KCNQ1: variants seen among roughly 807,000 people sequenced by gnomAD.
The protein encoded by KCNQ1 is potassium voltage-gated channel subfamily Q member 1, also known as potassium voltage-gated channel subfamily KQT member 1.
In KCNQ1, 49 loss-of-function variants were observed where a neutral mutation model predicts 72.4. The ratio of observed to expected loss-of-function variants is 0.68; its 90% CI spans 0.54 to 0.86. KCNQ1 has a LOEUF of 0.86. KCNQ1 is among the 40% of genes least tolerant of loss of function. KCNQ1 has a pLI of 0.00. For synonymous variants in KCNQ1, 450 were observed against 412.6 expected, an observed-to-expected ratio of 1.09 and a Z score of -1.10; for missense variants, 790 against 945.1, an observed-to-expected ratio of 0.84 and a Z score of 2.15.
chr11:2,702,588 C>A (rs1034653418), intron 11 of KCNQ1, among the ~76,000 whole-genome samples: 1 of 152,166 alleles, frequency 6.6e-6, no homozygotes, highest in African/African-American at 2.4e-5. Context: ...ACATATCTTA[C>A]AAGTAGTTGA....
In KCNQ1 at chr11:2,767,104, G is replaced by C. The variant is rs1846512621; in HGVS notation, c.1515-1740G>C. Reference sequence around the variant, plus strand: ...AATCACTTGAACCCGGGAGGCGGAGGCTGCAGTGAGCCGAGGTTGTGCCAC... The same window carrying C: ...AATCACTTGAACCCGGGAGGCGGAGCCTGCAGTGAGCCGAGGTTGTGCCAC... On this transcript the variant is annotated intron_variant, in intron 11 of 15. Coordinates refer to ENST00000155840, the MANE Select transcript of KCNQ1 (RefSeq NM_000218.3). The surrounding 1 kb of genome is among the most constrained non-coding windows in gnomAD (Gnocchi z 4.6). 1.3e-5 allele frequency among the ~76,000 whole-genome samples: 2 copies of C among 152,208 alleles called. No individual in the cohort carries two copies. Among genetic ancestry groups the C allele is most frequent in the African/African-American group, 4.8e-5 (2 of 41,440 alleles).
At chr11:2,843,572 G>C (rs1009212697) in intron 15 of KCNQ1, among the ~76,000 whole-genome samples, 1 of 152,260 alleles carries the variant, frequency 6.6e-6, no homozygotes, top group South Asian at 2.1e-4. Flanking sequence ...GGGTGTGCCC[G>C]GCCTCTCCCG....
chr11:2,768,860 C>T lies in KCNQ1; in HGVS notation c.1531C>T (p.Arg511Trp), dbSNP rs199472785. Residue 511 changes from arginine (R) to tryptophan (W), a missense_variant, in exon 12 of 16, where the codon CGG becomes TGG. Around this residue, in one of 5 missense-constraint regions of KCNQ1, gnomAD observed 178 missense variants for 177.9 expected, o/e 1.00. Coordinates refer to ENST00000155840, the MANE Select transcript of KCNQ1 (RefSeq NM_000218.3). The surrounding 1 kb of genome is among the most constrained non-coding windows in gnomAD (Gnocchi z 6.7). ...THISQLREHH[R>W]ATIKVIRRMQ... ...CCACTGCAGGCTGCGGGAACACCAT[C>T]GGGCCACCATTAAGGTCATTCGACG... 5 of 1,614,002 alleles carry T rather than the reference C, an allele frequency of 3.1e-6. No homozygotes were observed. Among genetic ancestry groups the T allele is most frequent in the East Asian group, 2.2e-5 (1 of 44,848 alleles).
In KCNQ1 at chr11:2,725,841, G is replaced by A. The variant is rs946090705; in HGVS notation, c.1515-43003G>A. Among the ~76,000 whole-genome samples, 1 of 151,104 alleles carries A rather than the reference G, an allele frequency of 6.6e-6. No individual in the cohort carries two copies. The highest frequency in any genetic ancestry group is 1.9e-4 in the East Asian group (1 of 5,158). ...TGGTTAATCATCCTGGGCTCTGAGAGCTCCCTGGGGCCCCACAGGCCAAGC... is the reference window on the plus strand; with the variant it reads ...TGGTTAATCATCCTGGGCTCTGAGAACTCCCTGGGGCCCCACAGGCCAAGC... On this transcript the variant is annotated intron_variant, in intron 11 of 15. Coordinates refer to ENST00000155840, the MANE Select transcript of KCNQ1 (RefSeq NM_000218.3). The surrounding 1 kb of genome is among the most constrained non-coding windows in gnomAD (Gnocchi z 7.2).
chr11:2,574,236 G>A (rs1848384962), intron 6 of KCNQ1, among the ~76,000 whole-genome samples: 1 of 152,180 alleles, frequency 6.6e-6, no homozygotes, highest in Admixed American at 6.5e-5. Context: ...CTTGGGGAGT[G>A]GCCCTGGGTG....
At chr11:2,456,969 A>AC (rs1203416052) in intron 1 of KCNQ1, among the ~76,000 whole-genome samples, 3 of 149,180 alleles carry the variant, frequency 2.0e-5, no homozygotes, top group African/African-American at 7.4e-5. Context: ...AAAAAAACCC[A>AC]AAAAAACAAA....
chr11:2,635,606 C>T (rs1299011698), intron 10 of KCNQ1: 1 of 152,188 alleles, frequency 6.6e-6, no homozygotes, highest in Non-Finnish European at 1.5e-5. Context: ...AGTTTGAAGT[C>T]AGGTAGCGTG....
At chr11:2,555,887 G>C (rs1234294880) in intron 2 of KCNQ1, among the ~76,000 whole-genome samples, 1 of 152,132 alleles carries the variant, frequency 6.6e-6, no homozygotes, top group Non-Finnish European at 1.5e-5. Context: ...GGCCCACAGG[G>C]ACCCCGCCTG....
In KCNQ1 at chr11:2,735,128, C is replaced by A. The variant is rs1215553529; in HGVS notation, c.1515-33716C>A. On this transcript the variant is annotated intron_variant, in intron 11 of 15. Coordinates refer to ENST00000155840, the MANE Select transcript of KCNQ1 (RefSeq NM_000218.3). The surrounding 1 kb of genome is among the most constrained non-coding windows in gnomAD (Gnocchi z 7.7). ...GCTTACATTGAACTCCCCCATAAAA[C>A]GTGTGAAACCTGACAGCAGCGCCGC... is the stretch of plus-strand genomic sequence containing the variant. 1.3e-5 allele frequency among the ~76,000 whole-genome samples: 2 copies of A among 152,142 alleles called. No homozygotes were observed. The highest frequency in any genetic ancestry group is 2.4e-5 in the African/African-American group (1 of 41,422).
In KCNQ1 at chr11:2,447,216, C is replaced by T. The variant is rs369265746; in HGVS notation, c.386+1732C>T. Among the ~76,000 whole-genome samples, 3 of 152,236 alleles carry T rather than the reference C, an allele frequency of 2.0e-5. No individual in the cohort carries two copies. Among genetic ancestry groups the T allele is most frequent in the Non-Finnish European group, 4.4e-5 (3 of 68,018 alleles). ...TTCCTCATTTGGATTGTTTAGGTCT[C>T]GGAAGTTTGCTCAGCAAGAGTCTAC... On this transcript the variant is annotated intron_variant, in intron 1 of 15. Transcript: ENST00000155840. The surrounding 1 kb of genome is among the most constrained non-coding windows in gnomAD (Gnocchi z 7.6).
intron 1 of KCNQ1, among the ~76,000 whole-genome samples, chr11:2,518,210 C>T (rs1847319830): frequency 6.6e-6 from 1 of 152,234 alleles, no homozygotes; most frequent in Non-Finnish European, 1.5e-5. Flanking sequence ...GCAGTGGTGG[C>T]AGTGGCTGCC....
intron 11 of KCNQ1, among the ~76,000 whole-genome samples, chr11:2,722,312 C>G (rs1023793317): frequency 6.6e-6 from 1 of 151,940 alleles, no homozygotes; most frequent in African/African-American, 2.4e-5. Context: ...GGGCGGGCCT[C>G]GGGTGCATGC....
At chr11:2,513,383 C>T (rs1223436247) in intron 1 of KCNQ1, among the ~76,000 whole-genome samples, 2 of 152,152 alleles carry the variant, frequency 1.3e-5, no homozygotes, top group South Asian at 2.1e-4. Context: ...CAGCTGTTTG[C>T]CCTGTGGATC....
intron 15 of KCNQ1, among the ~76,000 whole-genome samples, chr11:2,839,526 G>GCACA (rs932769674): frequency 8.7e-5 from 13 of 149,580 alleles, no homozygotes; most frequent in Non-Finnish European, 1.6e-4. Flanking sequence ...AGCAGACACG[G>GCACA]CACACATAGA....
Position 2,664,376 on chromosome 11 carries a change from G to A in KCNQ1, c.1514+2295G>A. 2.5e-6 allele frequency: 1 copy of A among 398,896 alleles called. No individual in the cohort carries two copies. Among genetic ancestry groups the A allele is most frequent in the Non-Finnish European group, 4.4e-6 (1 of 226,260 alleles). The allele number at this position is 398,896 out of a possible 1,614,324, so 24.7% of individuals were successfully genotyped here. On this transcript the variant is annotated intron_variant, in intron 11 of 15. Coordinates refer to ENST00000155840, the MANE Select transcript of KCNQ1 (RefSeq NM_000218.3). The surrounding 1 kb of genome is among the most constrained non-coding windows in gnomAD (Gnocchi z 5.1). ...CTGCATCCTCAGAAGTCAGGGTACG[G>A]TCCCTCCAGAGAGGCCTGAAGGGGA...
chr11:2,752,500 T>C lies in KCNQ1; in HGVS notation c.1515-16344T>C, dbSNP rs560664102. On this transcript the variant is annotated intron_variant, in intron 11 of 15. Coordinates refer to ENST00000155840, the MANE Select transcript of KCNQ1 (RefSeq NM_000218.3). This position sits in a 1 kb window ranked among gnomAD's most constrained non-coding sequence, Gnocchi z 5.2. ...TGGTGATTCATACTTAGGAATTCAT[T>C]GTTCTGGAGACTGGGAAGCACAGGG... is the stretch of plus-strand genomic sequence containing the variant. 5.9e-5 allele frequency among the ~76,000 whole-genome samples: 9 copies of C among 152,298 alleles called. No homozygotes were observed. The highest frequency in any genetic ancestry group is 5.2e-4 in the Admixed American group (8 of 15,306).
Position 2,642,530 on chromosome 11 carries a change from A to G in KCNQ1, c.1394-19431A>G, listed in dbSNP as rs930233384. On this transcript the variant is annotated intron_variant, in intron 10 of 15. Coordinates refer to ENST00000155840, the MANE Select transcript of KCNQ1 (RefSeq NM_000218.3). This position sits in a 1 kb window ranked among gnomAD's most constrained non-coding sequence, Gnocchi z 4.3. ...TATGAGTTGTAATATCCCCTTTTTC[A>G]TTTTTGATTTTATTCATGTAGGTCT... The G allele has an allele frequency of 5.0e-6, 2 of 397,446 alleles. No individual in the cohort carries two copies. Among genetic ancestry groups the G allele is most frequent in the Admixed American group, 8.8e-5 (2 of 22,658 alleles). The allele number at this position is 397,446 out of a possible 1,614,324, so 24.6% of individuals were successfully genotyped here. A position where few individuals can be genotyped will look rare whatever the true frequency, so the allele number is the denominator to read the frequency against.
In KCNQ1 at chr11:2,670,712, G is replaced by A; in HGVS notation, c.1514+8631G>A. Reference sequence around the variant, plus strand: ...AGACAAAGGGATTCTGTGGCCCATGGAGCAGGAGGGAACAGTCTGCAGATA... The same window carrying A: ...AGACAAAGGGATTCTGTGGCCCATGAAGCAGGAGGGAACAGTCTGCAGATA... On this transcript the variant is annotated intron_variant, in intron 11 of 15. Coordinates refer to ENST00000155840, the MANE Select transcript of KCNQ1 (RefSeq NM_000218.3). This position sits in a 1 kb window ranked among gnomAD's most constrained non-coding sequence, Gnocchi z 4.9. 1.0e-5 allele frequency: 4 copies of A among 398,666 alleles called. No homozygotes were observed. The highest frequency in any genetic ancestry group is 1.8e-5 in the Non-Finnish European group (4 of 226,140). 24.7% of individuals were successfully genotyped at this position (398,666 alleles called of 1,614,324 possible).
intron 15 of KCNQ1, among the ~76,000 whole-genome samples, chr11:2,835,904 C>T (rs1449929421): frequency 2.0e-5 from 3 of 152,082 alleles, no homozygotes; most frequent in Non-Finnish European, 2.9e-5. Context: ...AGCAGAGCAC[C>T]GTGTGGGGTA....
Sources: allele counts gnomAD v4.1 joint callset (sites outside exome capture counted in the v4.1 genomes callset), GRCh38; gene constraint gnomAD v4.1.1; regional missense constraint gnomAD v4.1.1; non-coding constraint Gnocchi (gnomAD v3.1); transcripts MANE v1.5; gene names NCBI Gene and HGNC (gene_info 2026-07-23, HGNC 2026-07-21).